The following GAB4 variants were observed in gnomAD, a reference collection of about 807,000 sequenced individuals.
The protein encoded by GAB4 is GRB2-associated-binding protein 4.
GAB4 carries 26 observed loss-of-function variants against 51.3 expected under a neutral mutation model. The ratio of observed to expected loss-of-function variants is 0.51; its 90% CI spans 0.37 to 0.70. The LOEUF (loss-of-function observed/expected upper bound fraction) is 0.70, where lower values mean the gene tolerates loss of function less well. GAB4 is among the 30% of genes least tolerant of loss of function. GAB4 has a pLI of 0.00. For missense variants in GAB4, 759 were observed against 734.6 expected, an observed-to-expected ratio of 1.03 and a Z score of -0.38; for synonymous variants, 329 against 291.2, an observed-to-expected ratio of 1.13 and a Z score of -1.32.
chr22:16,971,409 A>G (rs780694396), intron 3 of GAB4, among the ~76,000 whole-genome samples: 52 of 152,114 alleles, frequency 3.4e-4, no homozygotes, highest in Non-Finnish European at 6.8e-4. Context: ...CTTCGGCTTT[A>G]TGAGAGTGGT....
chr22:16,998,696 G>A (rs1345557299), intron 1 of GAB4, among the ~76,000 whole-genome samples: 1 of 152,206 alleles, frequency 6.6e-6, no homozygotes, highest in East Asian at 1.9e-4. Flanking sequence ...AATAGGAGTG[G>A]TGAGAGAGGG....
At chr22:16,991,529 A>T (rs1352897442) in intron 2 of GAB4, among the ~76,000 whole-genome samples, 3 of 152,148 alleles carry the variant, frequency 2.0e-5, no homozygotes, top group African/African-American at 7.2e-5. Flanking sequence ...TCAAAAAGCA[A>T]CCCCAAACAA....
chr22:16,974,349 C>G (rs1367557873), intron 3 of GAB4, among the ~76,000 whole-genome samples: 1 of 152,218 alleles, frequency 6.6e-6, no homozygotes, highest in Non-Finnish European at 1.5e-5. Flanking sequence ...CCTAATAGGT[C>G]TGAGAAACAC....
chr22:16,962,945 G>T, intron 9 of GAB4, 69 bp from the exon 10 acceptor site: 2 of 1,475,550 alleles, frequency 1.4e-6, no homozygotes, highest in Non-Finnish European at 9.3e-7. Flanking sequence ...GGCAGGCCAA[G>T]GAGTGGGCTC....
chr22:16,992,036 A>G lies in GAB4; in HGVS notation c.315T>C (p.Asp105=). ...NLNLCEQLDV[D]VTLNFNKKEI... ...CCTTCTTGTTGAAGTTCAGAGTCAC[A>G]TCAACATCCAGCTGCTCACAGAGGT... is the stretch of plus-strand genomic sequence containing the variant. The change falls in exon 2 of 10, where the codon GAT becomes GAC. Residue 105 remains aspartate (D), a synonymous_variant. Transcript: ENST00000400588. 3 of 1,614,182 alleles carry G rather than the reference A, an allele frequency of 1.9e-6. No individual in the cohort carries two copies. Among genetic ancestry groups the G allele is most frequent in the Non-Finnish European group, 2.5e-6 (3 of 1,180,022 alleles).
chr22:16,964,831 G>A lies in GAB4; in HGVS notation c.1411C>T (p.Pro471Ser), dbSNP rs1440028554. 1 of 1,613,888 alleles carries A rather than the reference G, an allele frequency of 6.2e-7. No homozygotes were observed. Among genetic ancestry groups the A allele is most frequent in the Non-Finnish European group, 8.5e-7 (1 of 1,179,948 alleles). Reference protein sequence around the residue: ...HTFDSSSSQHPISTQSITNTD... With the variant: ...HTFDSSSSQHSISTQSITNTD... ...TTGGTGATGCTCTGCGTGGAGATGG[G>A]GTGTTGGGAGGAGCTGGAGTCAAAG... The change falls in exon 8 of 10, where the codon CCC becomes TCC. Residue 471 changes from proline to serine, a missense_variant. Physicochemically the swap from Pro to Ser is moderately conservative, Grantham distance 74. Coordinates refer to ENST00000400588, the MANE Select transcript of GAB4 (RefSeq NM_001037814.1).
intron 3 of GAB4, among the ~76,000 whole-genome samples, chr22:16,975,868 A>G (rs2060773288): frequency 6.6e-6 from 1 of 152,190 alleles, no homozygotes; most frequent in Non-Finnish European, 1.5e-5. Flanking sequence ...TCCACTGGTG[A>G]TATCTGCCGG....
rs1297094159 is a variant in GAB4 at position 16,963,817 on chromosome 22, C to A, written c.1489G>T (p.Ala497Ser). Reference protein sequence around the residue: ...ERYLFPNPASAFPVSGGTSSS... With the variant: ...ERYLFPNPASSFPVSGGTSSS... The stretch of plus-strand genomic sequence containing the variant: ...CTGGTGCCACCGGAAACAGGAAATG[C>A]AGATGCCGGGTTCTGCTGTCACAAG... Residue 497 changes from alanine to serine, a missense_variant, in exon 9 of 10, where the codon GCA (alanine) becomes TCA (serine). Coordinates refer to ENST00000400588, the MANE Select transcript of GAB4 (RefSeq NM_001037814.1). 6.2e-7 allele frequency: 1 copy of A among 1,613,698 alleles called. No individual in the cohort carries two copies. The highest frequency in any genetic ancestry group is 8.5e-7 in the Non-Finnish European group (1 of 1,179,822).
intron 1 of GAB4, among the ~76,000 whole-genome samples, chr22:17,002,263 T>A (rs1245354008): frequency 6.6e-6 from 1 of 152,098 alleles, no homozygotes; most frequent in Non-Finnish European, 1.5e-5. Context: ...CTGTTCCTAT[T>A]TGGCCATCTT....
intron 1 of GAB4, among the ~76,000 whole-genome samples, chr22:17,000,540 G>A (rs1253232755): frequency 3.9e-4 from 59 of 152,000 alleles, no homozygotes; most frequent in African/African-American, 1.4e-3. Context: ...GTCTCTGCAC[G>A]TGAGATGGGT....
chr22:16,966,236 G>T lies in GAB4; in HGVS notation c.1152C>A (p.Ile384=). The change falls in exon 6 of 10, where the codon ATC becomes ATA. Residue 384 remains isoleucine (I), a synonymous_variant. Transcript: ENST00000400588. ...AGCGAACAAGACATGAGCCCACAGGGATGCAGACACCCTGGGAATCATCGC... is the reference window on the plus strand; with the variant it reads ...AGCGAACAAGACATGAGCCCACAGGTATGCAGACACCCTGGGAATCATCGC... The part of the protein sequence containing the change: ...QAGDDSQGVC[I]PVGSCLVRFD... 1 of 1,614,118 alleles carries T rather than the reference G, an allele frequency of 6.2e-7. No homozygotes were observed. The highest frequency in any genetic ancestry group is 8.5e-7 in the Non-Finnish European group (1 of 1,180,038).
At chr22:16,963,589 C>A in intron 9 of GAB4, 136 bp downstream of exon 9, 1 of 675,522 alleles carries the variant, frequency 1.5e-6, no homozygotes, top group Admixed American at 2.3e-5. Flanking sequence ...CAGAGCACCA[C>A]TGAGCATAAG....
intron 3 of GAB4, among the ~76,000 whole-genome samples, chr22:16,985,461 G>T (rs1014130747): frequency 1.3e-5 from 2 of 152,198 alleles, no homozygotes; most frequent in African/African-American, 4.8e-5. Flanking sequence ...CCAGAGTTTT[G>T]ATTGTTCTTC....
intron 3 of GAB4, among the ~76,000 whole-genome samples, chr22:16,985,984 A>C (rs1174471550): frequency 1.3e-5 from 2 of 152,252 alleles, no homozygotes; most frequent in Non-Finnish European, 2.9e-5. Context: ...AGAGAACATA[A>C]AAAACTGCTG....
chr22:17,004,540 G>A (rs1279717648), intron 1 of GAB4, among the ~76,000 whole-genome samples: 5 of 152,054 alleles, frequency 3.3e-5, no homozygotes, highest in South Asian at 2.1e-4. Flanking sequence ...ATCAATAAAC[G>A]TAATCCATCA....
intron 7 of GAB4, 109 bp from the exon 8 acceptor site, chr22:16,964,971 T>C (rs1233492548): frequency 2.3e-6 from 2 of 852,254 alleles, no homozygotes; most frequent in Non-Finnish European, 3.8e-6. Flanking sequence ...CCTCACACTG[T>C]TACCAGATCA....
rs774465064 is a variant in GAB4, at chr22:16,991,869, A to G, written c.478+4T>C. On this transcript the variant is annotated splice_donor_region_variant and intron_variant, in intron 2 of 9. Coordinates refer to ENST00000400588, the MANE Select transcript of GAB4 (RefSeq NM_001037814.1). ...CTGAGACAGGGCTGTGTGTGCTCCC[A>G]TACCTGTGCTTTCCTCCTGCCTGAA... 6.2e-7 allele frequency: 1 copy of G among 1,609,830 alleles called. No homozygotes were observed. Among genetic ancestry groups the G allele is most frequent in the South Asian group, 1.1e-5 (1 of 90,398 alleles).
chr22:16,963,943 G>T, intron 8 of GAB4, 114 bp from the exon 9 acceptor site: 1 of 715,060 alleles, frequency 1.4e-6, no homozygotes, highest in Non-Finnish European at 2.4e-6. Flanking sequence ...TCTGAGCCAT[G>T]CACTGGGGCA....
Position 16,966,354 on chromosome 22 carries a change from G to A in GAB4, c.1034C>T (p.Thr345Met), listed in dbSNP as rs762931159. 184 of 1,611,084 alleles carry A rather than the reference G, an allele frequency of 1.1e-4. No homozygotes were observed. Among genetic ancestry groups the A allele is most frequent in the Non-Finnish European group, 1.4e-4 (170 of 1,178,240 alleles). ...EGVCSFLPGR[T>M]LVGLSDSIAS... ...AATGCTGTCTGACAGGCCCACAAGC[G>A]TTCTTCCTGGCTAGGAAGAGGACAG... The change falls in exon 6 of 10, where the codon ACG (threonine) becomes ATG (methionine). Residue 345 changes from threonine (T) to methionine (M), a missense_variant. By Grantham distance (81) the Thr-to-Met change is moderately conservative (BLOSUM62 -1). Transcript: ENST00000400588.
Sources: gnomAD v4.1 joint callset for allele counts (sites outside exome capture counted in the v4.1 genomes callset) on GRCh38, gnomAD v4.1.1 for gene constraint, MANE v1.5 for transcripts, NCBI Gene and HGNC (gene_info 2026-07-23, HGNC 2026-07-21) for gene names.